Variants in DIP2B observed in about 807,000 individuals in gnomAD.
DIP2B encodes the protein DIP2 acetate--CoA ligase B (putative).
DIP2B carries 76 observed loss-of-function variants against 198.0 expected under a neutral mutation model. The ratio of observed to expected loss-of-function variants is 0.38; its 90% CI spans 0.32 to 0.46. The LOEUF is 0.46. DIP2B is among the 20% of genes least tolerant of loss of function. DIP2B has a pLI of 0.99. For synonymous variants in DIP2B, 701 were observed against 739.1 expected, an observed-to-expected ratio of 0.95 and a Z score of 0.84; for missense variants, 1,559 against 1,978.4, an observed-to-expected ratio of 0.79 and a Z score of 4.02.
intron 1 of DIP2B, 32 bp from the exon 2 acceptor site, chr12:50,625,944 G>A (rs779705995): frequency 5.0e-6 from 8 of 1,603,222 alleles, no homozygotes; most frequent in South Asian, 2.2e-5. Flanking sequence ...TAAGAATAAT[G>A]CATAACCTAT....
chr12:50,627,331 C>T (rs1937954252), intron 2 of DIP2B, among the ~76,000 whole-genome samples: 1 of 152,096 alleles, frequency 6.6e-6, no homozygotes. Flanking sequence ...TATTAATTTA[C>T]TATGAGAAAT....
chr12:50,523,136 G>A (rs779882233), intron 1 of DIP2B, among the ~76,000 whole-genome samples: 17 of 152,114 alleles, frequency 1.1e-4, no homozygotes, highest in South Asian at 2.1e-4. Flanking sequence ...TCCTTTCTTC[G>A]TAGGGGATTG....
chr12:50,675,487 A>G, intron 7 of DIP2B, 39 bp downstream of exon 7: 2 of 1,573,252 alleles, frequency 1.3e-6, no homozygotes, highest in Non-Finnish European at 1.7e-6. Context: ...TTCATTAAAT[A>G]AATATATCTT....
At chr12:50,645,811 T>G (rs1329379454) in intron 3 of DIP2B, among the ~76,000 whole-genome samples, 1 of 152,090 alleles carries the variant, frequency 6.6e-6, no homozygotes, top group Non-Finnish European at 1.5e-5. Flanking sequence ...GCATATAATC[T>G]GATTTTTATA....
chr12:50,667,293 T>C (rs1387533330), intron 4 of DIP2B, among the ~76,000 whole-genome samples: 3 of 152,240 alleles, frequency 2.0e-5, no homozygotes, highest in Non-Finnish European at 4.4e-5. Flanking sequence ...CAAACTATGT[T>C]TTCAGAATTG....
chr12:50,612,364 A>G (rs983652741), intron 1 of DIP2B, among the ~76,000 whole-genome samples: 2 of 150,670 alleles, frequency 1.3e-5, no homozygotes, highest in Admixed American at 1.3e-4. Flanking sequence ...GAATCGTGTT[A>G]TTTCTTCTTG....
chr12:50,620,558 T>G (rs1937791901), intron 1 of DIP2B, among the ~76,000 whole-genome samples: 1 of 152,136 alleles, frequency 6.6e-6, no homozygotes, highest in African/African-American at 2.4e-5. Context: ...CCTCCACTCC[T>G]GCCAAGCGCT....
rs145370113 is a variant in DIP2B, at chr12:50,696,372, T to C, written c.1933+405T>C. 3.9e-5 allele frequency among the ~76,000 whole-genome samples: 6 copies of C among 152,386 alleles called. No homozygotes were observed. In the East Asian group the frequency reaches 1.2e-3, roughly 29 times the overall value. ...ATGTTGTAGTATCTGTCAGTACTTC[T>C]GCATTCCTTGTTACTACCAGGAAAT... On this transcript the variant is annotated intron_variant, in intron 16 of 37. Transcript: ENST00000301180.
chr12:50,584,099 C>T (rs1021179784), intron 1 of DIP2B, among the ~76,000 whole-genome samples: 9 of 152,206 alleles, frequency 5.9e-5, no homozygotes, highest in Admixed American at 2.6e-4. Flanking sequence ...ACACTCTCTC[C>T]CATGTGATTT....
At chr12:50,740,969 C>T (rs1940230830) in intron 36 of DIP2B, among the ~76,000 whole-genome samples, 1 of 152,130 alleles carries the variant, frequency 6.6e-6, no homozygotes, top group African/African-American at 2.4e-5. Context: ...TGTCCTCTGC[C>T]CCTCCGAACC....
intron 1 of DIP2B, among the ~76,000 whole-genome samples, chr12:50,558,288 C>T (rs572304114): frequency 1.3e-5 from 2 of 152,314 alleles, no homozygotes; most frequent in Non-Finnish European, 2.9e-5. Context: ...TTTGATCAGT[C>T]TCCTGTACCC....
Position 50,694,885 on chromosome 12 carries a change from G to A in DIP2B, c.1720-382G>A, listed in dbSNP as rs1268105435. Among the ~76,000 whole-genome samples the A allele has an allele frequency of 3.3e-5, 5 of 151,594 alleles. No individual in the cohort carries two copies. In the East Asian group the frequency reaches 9.6e-4, roughly 29 times the overall value. Reference sequence around the variant, plus strand: ...AAGAATTATGTAGATCTCTTATACTGATATGCATAGATTTAGCTTTAGAAC... The same window carrying A: ...AAGAATTATGTAGATCTCTTATACTAATATGCATAGATTTAGCTTTAGAAC... On this transcript the variant is annotated intron_variant, in intron 14 of 37. Transcript: ENST00000301180.
chr12:50,708,445 T>C lies in DIP2B; in HGVS notation c.2535-3T>C, dbSNP rs1366361642. Reference sequence around the variant, plus strand: ...CCTGATGTGTTTGATCTGTCTCTCTTAGAATTGCTGTGTTTTCTGTGTCTG... The same window carrying C: ...CCTGATGTGTTTGATCTGTCTCTCTCAGAATTGCTGTGTTTTCTGTGTCTG... On this transcript the variant is annotated splice_region_variant and splice_polypyrimidine_tract_variant and intron_variant, in intron 21 of 37. Coordinates refer to ENST00000301180, the MANE Select transcript of DIP2B (RefSeq NM_173602.3). 2 of 1,587,450 alleles carry C rather than the reference T, an allele frequency of 1.3e-6. No homozygotes were observed. The highest frequency in any genetic ancestry group is 1.8e-5 in the Admixed American group (1 of 55,922).
chr12:50,635,462 A>G (rs896713417), intron 2 of DIP2B, among the ~76,000 whole-genome samples: 2 of 152,188 alleles, frequency 1.3e-5, no homozygotes, highest in African/African-American at 4.8e-5. Context: ...CTGGTCACCC[A>G]AAGGTTTTTC....
intron 1 of DIP2B, among the ~76,000 whole-genome samples, chr12:50,604,431 A>T (rs1958965027): frequency 1.3e-5 from 2 of 152,128 alleles, no homozygotes; most frequent in African/African-American, 2.4e-5. Flanking sequence ...ACCTTTACAG[A>T]AGTTATCTTT....
At chr12:50,594,057 C>T (rs1390899909) in intron 1 of DIP2B, among the ~76,000 whole-genome samples, 1 of 149,966 alleles carries the variant, frequency 6.7e-6, no homozygotes, top group African/African-American at 2.5e-5. Flanking sequence ...GCTCCTGCCT[C>T]AGCCTCCTGA....
chr12:50,507,086 C>T (rs1565806237), intron 1 of DIP2B, among the ~76,000 whole-genome samples: 1 of 152,192 alleles, frequency 6.6e-6, no homozygotes, highest in Non-Finnish European at 1.5e-5. Context: ...GATTAGCTCA[C>T]CTCTCTCTCC....
At chr12:50,738,063 C>T (rs564166957) in intron 35 of DIP2B, among the ~76,000 whole-genome samples, 88 of 152,160 alleles carry the variant, frequency 5.8e-4, no homozygotes, top group African/African-American at 2.0e-3. Flanking sequence ...CACTGGTGGC[C>T]GGGCGCAGTG....
chr12:50,643,361 A>G (rs1169357598), intron 3 of DIP2B, among the ~76,000 whole-genome samples: 1 of 148,718 alleles, frequency 6.7e-6, no homozygotes, highest in African/African-American at 2.5e-5. Flanking sequence ...CAGGTATACT[A>G]GAGAGTTTGT....
Sources: gnomAD v4.1 joint callset for allele counts (sites outside exome capture counted in the v4.1 genomes callset) on GRCh38, gnomAD v4.1.1 for gene constraint, MANE v1.5 for transcripts, NCBI Gene and HGNC (gene_info 2026-07-23, HGNC 2026-07-21) for gene names.